RAF1: variants seen among roughly 807,000 people sequenced by gnomAD.
The protein encoded by RAF1 is RAF proto-oncogene serine/threonine-protein kinase.
In RAF1, 27 loss-of-function variants were observed where a neutral mutation model predicts 81.1. That is an observed-to-expected ratio of 0.33 (90% CI 0.25 to 0.46). RAF1 has a LOEUF of 0.46. Ranked by LOEUF, RAF1 falls within the 20% of genes least tolerant of loss-of-function variation. The pLI, the probability that RAF1 is intolerant of heterozygous loss-of-function variation, is 1.00. For synonymous variants in RAF1, 298 were observed against 294.0 expected (o/e 1.01, Z -0.14); for missense variants, 598 against 826.0 (o/e 0.72, Z 3.38).
At chr3:12,657,861 A>AC (rs760924650) in intron 1 of RAF1, among the ~76,000 whole-genome samples, 11 of 92,360 alleles carry the variant, frequency 1.2e-4, no homozygotes, top group Non-Finnish European at 2.4e-4. Context: ...TCACCCAAAA[A>AC]AAAAACAAAA....
At chr3:12,655,570 T>C (rs2060666154) in intron 1 of RAF1, among the ~76,000 whole-genome samples, 3 of 152,194 alleles carry the variant, frequency 2.0e-5, no homozygotes, top group Admixed American at 1.3e-4. Context: ...ATTCTACTCC[T>C]GTGCATTACC....
intron 4 of RAF1, 139 bp downstream of exon 4, chr3:12,609,094 C>A: frequency 9.8e-7 from 1 of 1,021,628 alleles, no homozygotes; most frequent in Non-Finnish European, 1.5e-6. Flanking sequence ...ATCTAAATTG[C>A]CTTACTGTAA....
At chr3:12,656,179 TC>T (rs1205358387) in intron 1 of RAF1, among the ~76,000 whole-genome samples, 69 of 148,600 alleles carry the variant, frequency 4.6e-4, no homozygotes, top group Non-Finnish European at 9.2e-4. Context: ...CCTCTCAAAA[TC>T]ACACTATAAT....
chr3:12,585,480 C>A (rs978051815), intron 15 of RAF1: 4 of 962,892 alleles, frequency 4.2e-6, no homozygotes, highest in Admixed American at 6.2e-5. Context: ...AGCTTATTAA[C>A]TCCTCTCCAC....
intron 1 of RAF1, among the ~76,000 whole-genome samples, chr3:12,627,789 A>T (rs1337599700): frequency 6.6e-6 from 1 of 152,196 alleles, no homozygotes; most frequent in African/African-American, 2.4e-5. Context: ...ATAATCTCTC[A>T]ACTGCATTTA....
chr3:12,637,879 C>T (rs1431021464), intron 1 of RAF1, among the ~76,000 whole-genome samples: 3 of 151,944 alleles, frequency 2.0e-5, no homozygotes, highest in Non-Finnish European at 4.4e-5. Context: ...CAAATTTGGA[C>T]ATATTATTAA....
intron 1 of RAF1, among the ~76,000 whole-genome samples, chr3:12,637,565 A>G (rs1224147607): frequency 6.6e-6 from 1 of 151,982 alleles, no homozygotes; most frequent in Non-Finnish European, 1.5e-5. Context: ...GAGCACAGTC[A>G]TTGTGTTCTT....
chr3:12,636,613 C>G (rs1332353557), intron 1 of RAF1, among the ~76,000 whole-genome samples: 1 of 151,932 alleles, frequency 6.6e-6, no homozygotes, highest in Non-Finnish European at 1.5e-5. Context: ...TCAAGACCAG[C>G]CTGGGCAACA....
intron 1 of RAF1, among the ~76,000 whole-genome samples, chr3:12,644,234 T>C (rs2060277189): frequency 6.6e-6 from 1 of 152,224 alleles, no homozygotes; most frequent in Non-Finnish European, 1.5e-5. Flanking sequence ...TAGGGTATCA[T>C]TTTAAGTGAT....
intron 3 of RAF1, among the ~76,000 whole-genome samples, chr3:12,610,815 A>T (rs1280598434): frequency 6.6e-6 from 1 of 152,172 alleles, no homozygotes; most frequent in African/African-American, 2.4e-5. Flanking sequence ...GGGTGGAGGG[A>T]ATAATGGATA....
chr3:12,614,162 T>C (rs2059301934), intron 2 of RAF1, among the ~76,000 whole-genome samples: 1 of 152,170 alleles, frequency 6.6e-6, no homozygotes, highest in African/African-American at 2.4e-5. Context: ...GAAATGGGGA[T>C]ACAGGGGCAG....
rs1476635589 is a variant in RAF1, at chr3:12,612,190, AC to A, written c.208-129del. The A allele has an allele frequency of 6.8e-6, 5 of 733,270 alleles. No individual in the cohort carries two copies. The East Asian group carries it at 1.3e-4, about 19-fold the overall frequency. 45.4% of individuals were successfully genotyped at this position (733,270 alleles called of 1,614,324 possible). A position where few individuals can be genotyped will look rare whatever the true frequency, so the allele number is the denominator to read the frequency against. On this transcript the variant is annotated intron_variant, in intron 2 of 17. Transcript: ENST00000442415. ...CACGCACACACACATATACGAAACA[AC>A]CTGAATGTCCAGCAATAGGAAAGTA...
At chr3:12,657,001 G>GGA (rs1491163354) in intron 1 of RAF1, among the ~76,000 whole-genome samples, 7 of 147,414 alleles carry the variant, frequency 4.7e-5, no homozygotes, top group Admixed American at 2.0e-4. Context: ...CCATCTCGGG[G>GGA]AAAAAAAAAA....
chr3:12,659,447 T>TAAAAAAAAAAAAAAAAAAA (rs1553625806), intron 1 of RAF1, among the ~76,000 whole-genome samples: 3 of 33,158 alleles, frequency 9.0e-5, no homozygotes, highest in African/African-American at 1.3e-4. Context: ...AAAAAAAAAT[T>TAAAAAAAAAAAAAAAAAAA]ACACGCAAGA....
chr3:12,649,916 G>A (rs1312090916), intron 1 of RAF1, among the ~76,000 whole-genome samples: 2 of 151,988 alleles, frequency 1.3e-5, no homozygotes, highest in Non-Finnish European at 2.9e-5. Flanking sequence ...GGAGGCCGAG[G>A]CAGGCAGATC....
chr3:12,595,081 C>T (rs1383090078), intron 11 of RAF1, among the ~76,000 whole-genome samples: 3 of 152,150 alleles, frequency 2.0e-5, no homozygotes, highest in Admixed American at 6.5e-5. Flanking sequence ...GCCCTCCCCT[C>T]GCCCCACTCT....
chr3:12,636,806 C>CA (rs993931550), intron 1 of RAF1, among the ~76,000 whole-genome samples: 31 of 144,216 alleles, frequency 2.1e-4, no homozygotes, highest in Admixed American at 3.5e-4. Flanking sequence ...GACCTTGTCT[C>CA]AAAAAAAAAA....
In RAF1 at chr3:12,611,994, T is replaced by C. The variant is rs876657568; in HGVS notation, c.276A>G (p.Gln92=). The C allele has an allele frequency of 6.2e-7, 1 of 1,614,160 alleles. No homozygotes were observed. Residue 92 remains glutamine (Q), a synonymous_variant, in exon 3 of 18, where the codon CAA becomes CAG. Coordinates refer to ENST00000442415, the MANE Select transcript of RAF1 (RefSeq NM_001354689.3). ...GTCTGAACACTGCACAGCACTCTGG[T>C]TGCAGGCCCCTCACCTTGAGTGCTT... is the stretch of plus-strand genomic sequence containing the variant.
In RAF1 at chr3:12,634,313, A is replaced by ATT. The variant is rs375472091; in HGVS notation, c.-26-15568_-26-15567dup. 5.4e-4 allele frequency among the ~76,000 whole-genome samples: 76 copies of ATT among 141,030 alleles called. 1 individual carries two copies. The highest frequency in any genetic ancestry group is 1.6e-3 in the Admixed American group (22 of 14,100). The allele number at this position is 141,030 out of a possible 152,430, so 92.5% of individuals were successfully genotyped here. A position where few individuals can be genotyped will look rare whatever the true frequency, so the allele number is the denominator to read the frequency against. ...AAGCACACACTACCACGCCTGGCTA[A>ATT]TTTTTTTTTTTTTTTTTAGTAGAGA... On this transcript the variant is annotated intron_variant, in intron 1 of 17. Coordinates refer to ENST00000442415, the MANE Select transcript of RAF1 (RefSeq NM_001354689.3).
Sources: gnomAD v4.1 joint callset for allele counts (sites outside exome capture counted in the v4.1 genomes callset) on GRCh38, gnomAD v4.1.1 for gene constraint, MANE v1.5 for transcripts, NCBI Gene and HGNC (gene_info 2026-07-23, HGNC 2026-07-21) for gene names.